MEGF6: variants seen among roughly 807,000 people sequenced by gnomAD.
MEGF6 encodes the protein multiple EGF like domains 6.
In MEGF6, 184 loss-of-function variants were observed where a neutral mutation model predicts 207.1. The ratio of observed to expected loss-of-function variants is 0.89; its 90% CI spans 0.79 to 1.00. The LOEUF (loss-of-function observed/expected upper bound fraction) is 1.00. Ranked by LOEUF, MEGF6 falls within the 50% of genes least tolerant of loss-of-function variation. The pLI is 0.00. For synonymous variants in MEGF6, 1,038 were observed against 910.0 expected (o/e 1.14, Z -2.53); for missense variants, 2,282 against 2,202.9 (o/e 1.04, Z -0.72).
chr1:3,505,928 T>A (rs552631249), intron 15 of MEGF6, among the ~76,000 whole-genome samples, 180 bp downstream of exon 15: 1 of 152,258 alleles, frequency 6.6e-6, no homozygotes, highest in East Asian at 1.9e-4. Flanking sequence ...ACAGTCACAG[T>A]CGAGAGGATG....
At chr1:3,503,645 T>C (rs929498616) in intron 17 of MEGF6, among the ~76,000 whole-genome samples, 3 of 151,988 alleles carry the variant, frequency 2.0e-5, no homozygotes, top group Non-Finnish European at 4.4e-5. Context: ...GGTGTGTGTC[T>C]GCATGCACCT....
intron 18 of MEGF6, 148 bp from the exon 19 acceptor site, chr1:3,501,456 G>A (rs896671871): frequency 6.3e-5 from 78 of 1,234,832 alleles, no homozygotes; most frequent in Middle Eastern, 4.2e-4. Flanking sequence ...GAGAGGACCC[G>A]GGCACCTCCT....
At chr1:3,526,015 C>A (rs1641948141) in intron 4 of MEGF6, among the ~76,000 whole-genome samples, 1 of 152,248 alleles carries the variant, frequency 6.6e-6, no homozygotes, top group African/African-American at 2.4e-5. Context: ...GGGCCCCTGC[C>A]AGCTGGCCAG....
chr1:3,567,521 T>A (rs1643377801), intron 4 of MEGF6, among the ~76,000 whole-genome samples: 1 of 150,866 alleles, frequency 6.6e-6, no homozygotes, highest in Admixed American at 6.6e-5. Flanking sequence ...ACCCCCAGCA[T>A]GGACATGCCC....
intron 28 of MEGF6, 66 bp from the exon 29 acceptor site, chr1:3,496,849 C>G: frequency 6.5e-7 from 1 of 1,528,262 alleles, no homozygotes; most frequent in South Asian, 1.2e-5. Context: ...CTGAACACAG[C>G]AAGGCAGCTC....
At chr1:3,615,840 A>G (rs1314669068), upstream of MEGF6, among the ~76,000 whole-genome samples, 2 of 152,132 alleles carry the variant, frequency 1.3e-5, no homozygotes, top group East Asian at 3.9e-4. Context: ...TGGGGCACCC[A>G]GGCCACCACT....
chr1:3,523,631 G>A (rs1478005150), intron 5 of MEGF6, among the ~76,000 whole-genome samples: 2 of 152,168 alleles, frequency 1.3e-5, no homozygotes, highest in Non-Finnish European at 2.9e-5. Flanking sequence ...GGCTCTGCGG[G>A]CGAAGGGTGT....
the MEGF6 span, among the ~76,000 whole-genome samples, chr1:3,619,207 G>A: frequency 1.5e-4 from 23 of 152,196 alleles, no homozygotes; most frequent in African/African-American, 4.8e-4. Flanking sequence ...GACAGAAATG[G>A]AAATAGCTCC....
At position 3,517,552 on chromosome 1, in the gene MEGF6, G is replaced by A. The variant is rs75867703; in HGVS notation, c.605-2025C>T. 1.2e-3 allele frequency among the ~76,000 whole-genome samples: 178 copies of A among 152,324 alleles called. 3 individuals carry two copies. In the East Asian group the frequency reaches 0.025, roughly 22 times the overall value. On this transcript the variant is annotated intron_variant, in intron 5 of 36. Transcript: ENST00000356575. Reference sequence around the variant, plus strand: ...CTGAACCAGGCAGATTTTCGCCAGCGCTGGGATATGCAGCTCAGGAGGGGC... The same window carrying A: ...CTGAACCAGGCAGATTTTCGCCAGCACTGGGATATGCAGCTCAGGAGGGGC...
chr1:3,544,489 A>G (rs951739921), intron 4 of MEGF6, among the ~76,000 whole-genome samples: 1 of 152,034 alleles, frequency 6.6e-6, no homozygotes, highest in Non-Finnish European at 1.5e-5. Context: ...AGCTCCTCCT[A>G]GGAGGGACCC....
intron 3 of MEGF6, among the ~76,000 whole-genome samples, chr1:3,587,866 ACAGGAGTGGC>A (rs113503364): frequency 0.72 from 54,401 of 75,036 alleles, 20,888 homozygotes; most frequent in Non-Finnish European, 0.78. Context: ...CCAGGAGGGG[ACAGGAGTGGC>A]CAGGAGTGGC....
At chr1:3,598,367 A>G (rs1053661298) in intron 2 of MEGF6, among the ~76,000 whole-genome samples, 3 of 152,202 alleles carry the variant, frequency 2.0e-5, no homozygotes, top group Non-Finnish European at 2.9e-5. Context: ...CGCACTGCAC[A>G]GAGACGCTCT....
chr1:3,580,886 G>T (rs544512464), intron 3 of MEGF6, among the ~76,000 whole-genome samples: 116 of 152,260 alleles, frequency 7.6e-4, no homozygotes, highest in African/African-American at 2.6e-3. Context: ...CAGTGAGTTT[G>T]TGTGTCACTC....
At chr1:3,495,854 G>A (rs41315290) in intron 30 of MEGF6, 36 bp downstream of exon 30, 63,574 of 1,589,796 alleles carry the variant, frequency 0.04, 3,180 homozygotes, top group African/African-American at 0.24. Flanking sequence ...TCTCTGTGAA[G>A]GGCCTGTGAG....
intron 2 of MEGF6, among the ~76,000 whole-genome samples, chr1:3,597,576 C>T (rs1290063339): frequency 2.0e-5 from 3 of 152,188 alleles, no homozygotes; most frequent in Non-Finnish European, 4.4e-5. Context: ...GGATGGGGGA[C>T]CCTAATCCAG....
chr1:3,611,308 C>A lies in MEGF6; in HGVS notation c.-40G>T. The stretch of plus-strand genomic sequence containing the variant: ...CCTCCTCCGCTCTCCGGCTCACAGG[C>A]GGCCCCGGCGGCTCCCCGGAGCCTC... On this transcript the variant is annotated 5_prime_UTR_variant, in exon 1 of 37. Transcript: ENST00000356575. The A allele has an allele frequency of 1.4e-6, 2 of 1,407,894 alleles. No homozygotes were observed. Among genetic ancestry groups the A allele is most frequent in the Admixed American group, 3.0e-5 (1 of 33,100 alleles). 87.2% of individuals were successfully genotyped at this position (1,407,894 alleles called of 1,614,324 possible).
chr1:3,585,148 G>T (rs892938599), intron 3 of MEGF6, among the ~76,000 whole-genome samples: 4 of 150,562 alleles, frequency 2.7e-5, no homozygotes, highest in African/African-American at 9.7e-5. Context: ...CACATGTCCT[G>T]TGTGTGGGTG....
chr1:3,607,845 A>T (rs1242661028), intron 1 of MEGF6, among the ~76,000 whole-genome samples: 1 of 152,300 alleles, frequency 6.6e-6, no homozygotes, highest in East Asian at 1.9e-4. Flanking sequence ...CCGGGGCTCC[A>T]CGGGCAAGAG....
chr1:3,614,803 C>G (rs563538001), upstream of MEGF6, among the ~76,000 whole-genome samples: 1 of 152,346 alleles, frequency 6.6e-6, no homozygotes, highest in South Asian at 2.1e-4. Flanking sequence ...GAGGAATCTC[C>G]CTGGTTAGCC....
Sources: gnomAD v4.1 joint callset for allele counts (sites outside exome capture counted in the v4.1 genomes callset) on GRCh38, gnomAD v4.1.1 for gene constraint, MANE v1.5 for transcripts, NCBI Gene and HGNC (gene_info 2026-07-23, HGNC 2026-07-21) for gene names.